DDX60: variants seen among roughly 807,000 people sequenced by gnomAD.
DDX60 encodes probable ATP-dependent RNA helicase DDX60.
A neutral mutation model predicts 212.8 loss-of-function variants in DDX60; 165 were observed. The ratio of observed to expected loss-of-function variants is 0.78; its 90% CI spans 0.68 to 0.88. The LOEUF is 0.88. DDX60 is among the 40% of genes least tolerant of loss of function. DDX60 has a pLI of 0.00. For synonymous variants in DDX60, 703 were observed against 685.3 expected, an observed-to-expected ratio of 1.03 and a Z score of -0.40; for missense variants, 1,905 against 2,003.9, an observed-to-expected ratio of 0.95 and a Z score of 0.94.
chr4:168,269,882 C>G (rs1008540281), intron 19 of DDX60, among the ~76,000 whole-genome samples: 3 of 152,028 alleles, frequency 2.0e-5, no homozygotes, highest in African/African-American at 7.2e-5. Context: ...ATACTCTTAC[C>G]CTCTATTATT....
At chr4:168,318,943 G>T (rs140101933), upstream of DDX60, 1 of 152,226 alleles carries the variant, frequency 6.6e-6, no homozygotes, top group Non-Finnish European at 1.5e-5. Flanking sequence ...TAGTTAAAAG[G>T]TATGAAGTTA....
At position 168,288,318 on chromosome 4, in the gene DDX60, G is replaced by C. The variant is rs1735949863; in HGVS notation, c.1042-3C>G. On this transcript the variant is annotated splice_polypyrimidine_tract_variant and splice_region_variant and intron_variant, in intron 8 of 37. Transcript: ENST00000393743. ...ATGAAATATTCACACCACTTTTTCT[G>C]AAAATTGAAAAGAAAACCAAGTTAT... 2 of 1,453,342 alleles carry C rather than the reference G, an allele frequency of 1.4e-6. No homozygotes were observed. Among genetic ancestry groups the C allele is most frequent in the Non-Finnish European group, 1.9e-6 (2 of 1,066,698 alleles). The allele number at this position is 1,453,342 out of a possible 1,614,324, so 90.0% of individuals were successfully genotyped here.
chr4:168,262,821 A>G (rs1734680498), intron 22 of DDX60, 34 bp from the exon 23 acceptor site: 3 of 1,405,336 alleles, frequency 2.1e-6, no homozygotes, highest in Non-Finnish European at 2.9e-6. Context: ...TTTACTCTTT[A>G]TTTTATTTTA....
At chr4:168,297,319 AAAG>A (rs1451595173) in intron 6 of DDX60, among the ~76,000 whole-genome samples, 1,019 of 66,292 alleles carry the variant, frequency 0.015, 66 homozygotes, top group Admixed American at 0.066. Flanking sequence ...AGAAAGAAAG[AAAG>A]AAAGAAAGAA....
chr4:168,242,476 G>C (rs1277864858), intron 30 of DDX60, among the ~76,000 whole-genome samples: 1 of 152,220 alleles, frequency 6.6e-6, no homozygotes, highest in African/African-American at 2.4e-5. Flanking sequence ...CCCACCTCTT[G>C]CATCAGTGTG....
upstream of DDX60, among the ~76,000 whole-genome samples, chr4:168,320,955 T>C (rs1455656389): frequency 6.6e-6 from 1 of 152,228 alleles, no homozygotes. Context: ...CAACTGAAAG[T>C]GTTTCAGCTA....
intron 6 of DDX60, among the ~76,000 whole-genome samples, chr4:168,294,443 C>A (rs902210550): frequency 2.6e-5 from 4 of 152,042 alleles, no homozygotes; most frequent in Non-Finnish European, 5.9e-5. Flanking sequence ...TTCTGCACAG[C>A]AAATGAAAGA....
chr4:168,283,354 A>G, intron 13 of DDX60, 92 bp downstream of exon 13: 1 of 1,060,270 alleles, frequency 9.4e-7, no homozygotes, highest in Non-Finnish European at 1.4e-6. Context: ...AAAAGGCATT[A>G]TATAAAAAGA....
intron 6 of DDX60, among the ~76,000 whole-genome samples, chr4:168,299,359 A>C (rs1736551017): frequency 6.6e-6 from 1 of 151,958 alleles, no homozygotes; most frequent in African/African-American, 2.4e-5. Flanking sequence ...TTCACTAAAT[A>C]TGTTTAACAA....
At chr4:168,288,784 C>T (rs1735969776) in intron 8 of DDX60, among the ~76,000 whole-genome samples, 6 of 152,220 alleles carry the variant, frequency 3.9e-5, no homozygotes. Flanking sequence ...CATCCACCTA[C>T]CTGGCTGGTC....
Position 168,288,243 on chromosome 4 carries a change from G to A in DDX60, c.1114C>T (p.Leu372Phe). The A allele has an allele frequency of 6.6e-7, 1 of 1,505,796 alleles. No homozygotes were observed. The highest frequency in any genetic ancestry group is 9.1e-7 in the Non-Finnish European group (1 of 1,099,796). 93.3% of individuals were successfully genotyped at this position (1,505,796 alleles called of 1,614,324 possible). ...AAAAGCTCATCATTTAAGTCAGAAA[G>A]GTGAATTAAATTCAGATTCCAAAAT... ...FEFWNLNLIHLSDLNDELLLK... is the reference protein window; with the variant it reads ...FEFWNLNLIHFSDLNDELLLK... The change falls in exon 9 of 38, where the codon CTT (leucine) becomes TTT (phenylalanine). Residue 372 changes from leucine (L) to phenylalanine (F), a missense_variant. By Grantham distance (22) the Leu-to-Phe change is conservative. Coordinates refer to ENST00000393743, the MANE Select transcript of DDX60 (RefSeq NM_017631.6).
chr4:168,232,433 G>T (rs1326118618), intron 33 of DDX60, among the ~76,000 whole-genome samples: 1 of 152,000 alleles, frequency 6.6e-6, no homozygotes, highest in African/African-American at 2.4e-5. Context: ...AACAAATCTG[G>T]AAGCATCATA....
chr4:168,220,413 C>A, intron 37 of DDX60: 1 of 315,244 alleles, frequency 3.2e-6, no homozygotes. Context: ...ATGCCTGGGG[C>A]TGAGACTCTA....
intron 28 of DDX60, among the ~76,000 whole-genome samples, chr4:168,248,761 A>AG (rs1553964547): frequency 6.8e-6 from 1 of 146,426 alleles, no homozygotes; most frequent in Non-Finnish European, 1.5e-5. Flanking sequence ...GTGTTCAGTA[A>AG]TTTTTTTTTT....
intron 25 of DDX60, among the ~76,000 whole-genome samples, chr4:168,259,909 C>G (rs1238446202): frequency 6.6e-6 from 1 of 151,646 alleles, no homozygotes; most frequent in Non-Finnish European, 1.5e-5. Context: ...ATGTGGGATA[C>G]TTGTGTGCAT....
chr4:168,320,461 C>G (rs1241869874), upstream of DDX60, among the ~76,000 whole-genome samples: 2 of 151,794 alleles, frequency 1.3e-5, no homozygotes, highest in Admixed American at 6.6e-5. Context: ...GGCAAGGAAA[C>G]ATTTTTTTTT....
chr4:168,302,073 A>G (rs1445119134), intron 6 of DDX60, among the ~76,000 whole-genome samples: 1 of 152,224 alleles, frequency 6.6e-6, no homozygotes, highest in African/African-American at 2.4e-5. Context: ...AATAGCAAAG[A>G]GACATGAGTG....
At chr4:168,235,855 T>C (rs11944399) in intron 33 of DDX60, among the ~76,000 whole-genome samples, 8,959 of 152,110 alleles carry the variant, frequency 0.059, 813 homozygotes, top group African/African-American at 0.2. Context: ...GACATTATAA[T>C]TCACAACATA....
Position 168,225,436 on chromosome 4 carries a change from T to C in DDX60, c.4681+93A>G, listed in dbSNP as rs570243216. On this transcript the variant is annotated intron_variant, in intron 34 of 37. Transcript: ENST00000393743. ...CCTCACTTGAGGGCAAAATAAACTT[T>C]CTGGGGTTCCACTCTTCTTCCAGAA... 1.4e-5 allele frequency: 18 copies of C among 1,321,380 alleles called. No homozygotes were observed. In the East Asian group the frequency reaches 4.4e-4, roughly 33 times the overall value. The allele number at this position is 1,321,380 out of a possible 1,614,324, so 81.9% of individuals were successfully genotyped here. A position where few individuals can be genotyped will look rare whatever the true frequency, so the allele number is the denominator to read the frequency against.
Sources: gnomAD v4.1 joint callset for allele counts (sites outside exome capture counted in the v4.1 genomes callset) on GRCh38, gnomAD v4.1.1 for gene constraint, MANE v1.5 for transcripts, NCBI Gene and HGNC (gene_info 2026-07-23, HGNC 2026-07-21) for gene names.